The following CADM1 variants were observed in gnomAD, a reference collection of about 807,000 sequenced individuals.
CADM1 encodes TSLC-1.
CADM1 carries 15 observed loss-of-function variants against 53.1 expected under a neutral mutation model. The observed-to-expected ratio is 0.28, with a 90% CI of 0.19 to 0.44. The LOEUF (loss-of-function observed/expected upper bound fraction) is 0.44. Among genes scored for constraint, CADM1 ranks in the 20% least tolerant of loss-of-function variants. The pLI is 1.00. For synonymous variants in CADM1, 281 were observed against 243.0 expected (o/e 1.16, Z -1.45); for missense variants, 434 against 611.3 (o/e 0.71, Z 3.06).
At chr11:115,314,463 T>C (rs1008047606) in intron 1 of CADM1, among the ~76,000 whole-genome samples, 13 of 152,184 alleles carry the variant, frequency 8.5e-5, no homozygotes, top group Non-Finnish European at 1.9e-4. Flanking sequence ...GTAATACAAG[T>C]GAGCCTTACT....
intron 1 of CADM1, among the ~76,000 whole-genome samples, chr11:115,423,890 T>G (rs1240744199): frequency 1.3e-5 from 2 of 152,230 alleles, no homozygotes; most frequent in African/African-American, 4.8e-5. Context: ...CGCTCTACTC[T>G]TCCTATGAAT....
intron 1 of CADM1, among the ~76,000 whole-genome samples, chr11:115,368,864 G>A (rs1026481415): frequency 1.3e-5 from 2 of 151,744 alleles, no homozygotes; most frequent in Admixed American, 1.3e-4. Context: ...TTGAGCACTT[G>A]TAATGTGTCT....
At chr11:115,242,663 C>T (rs577416956) in intron 1 of CADM1, among the ~76,000 whole-genome samples, 38 of 152,292 alleles carry the variant, frequency 2.5e-4, no homozygotes, top group African/African-American at 8.7e-4. Flanking sequence ...GAATACCAAA[C>T]ACGGTCTTAC....
intron 1 of CADM1, among the ~76,000 whole-genome samples, chr11:115,400,632 C>CAT (rs1325517009): frequency 8.6e-5 from 7 of 81,790 alleles, no homozygotes; most frequent in African/African-American, 2.6e-4. Context: ...ATATATGTAT[C>CAT]ATATATATGT....
rs145493428 is a variant in CADM1 at position 115,195,238 on chromosome 11, T to C, written c.1111+3168A>G. ...TGGAGAAAATCCACTTGATTTTGAA[T>C]CATGCCCATGCACTTCTAACCTTCC... is the stretch of plus-strand genomic sequence containing the variant. On this transcript the variant is annotated intron_variant, in intron 9 of 11. Coordinates refer to ENST00000331581, the MANE Select transcript of CADM1 (RefSeq NM_001301043.2). Among the ~76,000 whole-genome samples, 1,043 of 152,344 alleles carry C rather than the reference T, an allele frequency of 6.8e-3. 15 individuals are homozygous for C. The highest frequency in any genetic ancestry group is 0.023 in the African/African-American group (954 of 41,578).
At chr11:115,196,229 C>T (rs1021945452) in intron 9 of CADM1, among the ~76,000 whole-genome samples, 31 of 152,116 alleles carry the variant, frequency 2.0e-4, no homozygotes, top group Admixed American at 1.2e-3. Context: ...CCTTCTCTTT[C>T]TCTCTCTCCA....
At chr11:115,395,210 G>A (rs1946964536) in intron 1 of CADM1, among the ~76,000 whole-genome samples, 1 of 152,148 alleles carries the variant, frequency 6.6e-6, no homozygotes, top group African/African-American at 2.4e-5. Context: ...AGGCATTCAG[G>A]ATTTCTTGAT....
intron 1 of CADM1, among the ~76,000 whole-genome samples, chr11:115,491,785 A>C (rs1303476677): frequency 6.6e-6 from 1 of 152,218 alleles, no homozygotes; most frequent in Non-Finnish European, 1.5e-5. Context: ...AAAAAGGATG[A>C]GATCATGTCC....
At chr11:115,445,497 CATT>C (rs1379417467) in intron 1 of CADM1, among the ~76,000 whole-genome samples, 2 of 123,932 alleles carry the variant, frequency 1.6e-5, no homozygotes, top group African/African-American at 2.7e-5. Flanking sequence ...ACCATGCAAT[CATT>C]GTTTAAAAAA....
Position 115,417,788 on chromosome 11 carries a change from T to A in CADM1, c.124+86483A>T, listed in dbSNP as rs1177590102. 3.9e-5 allele frequency among the ~76,000 whole-genome samples: 6 copies of A among 152,184 alleles called. No homozygotes were observed. In the East Asian group the frequency reaches 1.2e-3, roughly 29 times the overall value. On this transcript the variant is annotated intron_variant, in intron 1 of 11. Coordinates refer to ENST00000331581, the MANE Select transcript of CADM1 (RefSeq NM_001301043.2). ...GAATTTTCTATTTAATCTTTTTGGATCATGTTTGCCATGGGTAACTGAAAC... is the reference window on the plus strand; with the variant it reads ...GAATTTTCTATTTAATCTTTTTGGAACATGTTTGCCATGGGTAACTGAAAC...
Position 115,178,770 on chromosome 11 carries a change from G to A in CADM1, c.1171C>T (p.Arg391Ter). Reference protein sequence around the residue: ...ELDSEDLSDSRAGEEGSIRAV... With the variant: ...ELDSEDLSDS ...CTGATCGAGCCTTCTTCACCTGCTC[G>A]GGAATCTGTTAAAATCAGAAGAGGA... The change falls in exon 11 of 12, where the codon CGA becomes TGA. Residue 391 changes from arginine (R) to a stop codon, truncating the protein, a stop_gained. Transcript: ENST00000331581. LOFTEE classifies it high-confidence loss of function. 2.5e-6 allele frequency: 4 copies of A among 1,613,872 alleles called. No homozygotes were observed. Among genetic ancestry groups the A allele is most frequent in the African/African-American group, 1.3e-5 (1 of 75,014 alleles).
intron 1 of CADM1, among the ~76,000 whole-genome samples, chr11:115,310,143 G>A (rs541325231): frequency 1.3e-5 from 2 of 152,166 alleles, no homozygotes; most frequent in East Asian, 1.9e-4. Flanking sequence ...ATGGGGAAAG[G>A]CAAGTAAAGG....
At chr11:115,224,873 A>G (rs1422137869) in intron 5 of CADM1, among the ~76,000 whole-genome samples, 2 of 152,182 alleles carry the variant, frequency 1.3e-5, no homozygotes, top group African/African-American at 4.8e-5. Context: ...CTACAATTGT[A>G]TCACACTCTG....
intron 1 of CADM1, among the ~76,000 whole-genome samples, chr11:115,451,119 C>T (rs1225090821): frequency 1.3e-5 from 2 of 152,186 alleles, no homozygotes; most frequent in African/African-American, 4.8e-5. Flanking sequence ...GTCTTCTACA[C>T]ACATATGCTA....
intron 2 of CADM1, among the ~76,000 whole-genome samples, chr11:115,239,446 T>C (rs1565317946): frequency 6.6e-6 from 1 of 152,214 alleles, no homozygotes; most frequent in Non-Finnish European, 1.5e-5. Flanking sequence ...CATGTGGGCC[T>C]CTTATTTAGT....
intron 5 of CADM1, among the ~76,000 whole-genome samples, chr11:115,228,283 C>G (rs986199969): frequency 6.6e-6 from 1 of 152,176 alleles, no homozygotes; most frequent in Non-Finnish European, 1.5e-5. Flanking sequence ...TTTTAAGCTA[C>G]CAAGTTTGTG....
chr11:115,455,269 G>A (rs1254130688), intron 1 of CADM1, among the ~76,000 whole-genome samples: 7 of 151,826 alleles, frequency 4.6e-5, no homozygotes, highest in Non-Finnish European at 1.0e-4. Flanking sequence ...TAAAAATCAC[G>A]TGCAACTCCC....
At chr11:115,268,205 C>T (rs976099151) in intron 1 of CADM1, among the ~76,000 whole-genome samples, 4 of 152,186 alleles carry the variant, frequency 2.6e-5, no homozygotes, top group Non-Finnish European at 5.9e-5. Flanking sequence ...GAATTATTAG[C>T]TATAGATAAC....
chr11:115,367,033 C>T (rs1403917628), intron 1 of CADM1, among the ~76,000 whole-genome samples: 1 of 152,176 alleles, frequency 6.6e-6, no homozygotes, highest in Non-Finnish European at 1.5e-5. Flanking sequence ...CCCAGATATG[C>T]TGAACAAAAC....
Sources: allele counts gnomAD v4.1 joint callset (sites outside exome capture counted in the v4.1 genomes callset), GRCh38; gene constraint gnomAD v4.1.1; transcripts MANE v1.5; gene names NCBI Gene and HGNC (gene_info 2026-07-23, HGNC 2026-07-21).